ZNF560: variants seen among roughly 807,000 people sequenced by gnomAD.
The protein encoded by ZNF560 is zinc finger protein 560.
In ZNF560, 54 loss-of-function variants were observed where a neutral mutation model predicts 81.8. The observed-to-expected ratio is 0.66, with a 90% CI of 0.53 to 0.83. The LOEUF is 0.83. Ranked by LOEUF, ZNF560 falls within the 40% of genes least tolerant of loss-of-function variation. The pLI, the probability that ZNF560 is intolerant of heterozygous loss-of-function variation, is 0.00. For synonymous variants in ZNF560, 321 were observed against 317.9 expected (o/e 1.01, Z -0.10); for missense variants, 940 against 932.4 (o/e 1.01, Z -0.11).
chr19:9,461,166 C>T, the ZNF560 span, among the ~76,000 whole-genome samples: 3 of 152,196 alleles, frequency 2.0e-5, no homozygotes, highest in African/African-American at 7.2e-5. Context: ...ATCCTAATTA[C>T]ATTTTAGAAC....
intron 2 of ZNF560, among the ~76,000 whole-genome samples, chr19:9,495,347 T>C (rs546349323): frequency 6.6e-6 from 1 of 152,160 alleles, no homozygotes; most frequent in South Asian, 2.1e-4. Flanking sequence ...AAATAGAATA[T>C]ACAACACAAG....
At chr19:9,487,621 G>A (rs1191266819) in intron 2 of ZNF560, among the ~76,000 whole-genome samples, 5 of 152,232 alleles carry the variant, frequency 3.3e-5, no homozygotes, top group Admixed American at 2.0e-4. Context: ...AGGGAGCTAA[G>A]AGAGAAGCCT....
At chr19:9,458,944 TTGTC>T in the ZNF560 span, among the ~76,000 whole-genome samples, 27 of 152,366 alleles carry the variant, frequency 1.8e-4, no homozygotes, top group East Asian at 5.8e-4. Flanking sequence ...TTTTCTCACT[TTGTC>T]TGGGCTACAT....
At chr19:9,495,075 G>A (rs1452866281) in intron 2 of ZNF560, among the ~76,000 whole-genome samples, 1 of 152,118 alleles carries the variant, frequency 6.6e-6, no homozygotes, top group Non-Finnish European at 1.5e-5. Flanking sequence ...TATAGGCAGA[G>A]GTTGGAGCAA....
chr19:9,487,130 G>C (rs892585328), intron 2 of ZNF560, among the ~76,000 whole-genome samples: 1 of 152,158 alleles, frequency 6.6e-6, no homozygotes, highest in Non-Finnish European at 1.5e-5. Flanking sequence ...GGACACAGCA[G>C]CAGGGACAAG....
In ZNF560 at chr19:9,474,576, G is replaced by T. The variant is rs1599657912; in HGVS notation, c.31-251C>A. On this transcript the variant is annotated intron_variant, in intron 3 of 9. Coordinates refer to ENST00000301480, the MANE Select transcript of ZNF560 (RefSeq NM_152476.3). ...GAACTTCTCATCACAAGCAGACTGT[G>T]AGTGCTTTCTCAACTTATTTCCCTC... Among the ~76,000 whole-genome samples the T allele has an allele frequency of 2.0e-5, 3 of 152,236 alleles. No individual in the cohort carries two copies. The South Asian group carries it at 6.2e-4, about 32-fold the overall frequency.
the ZNF560 span, among the ~76,000 whole-genome samples, chr19:9,457,443 A>C: frequency 6.6e-6 from 1 of 152,364 alleles, no homozygotes; most frequent in East Asian, 1.9e-4. Context: ...TGCACAAGGC[A>C]TGTTAAACAG....
At chr19:9,481,050 T>A (rs1202450949) in intron 2 of ZNF560, among the ~76,000 whole-genome samples, 1 of 146,902 alleles carries the variant, frequency 6.8e-6, no homozygotes, top group Non-Finnish European at 1.5e-5. Flanking sequence ...TGCCACTGCA[T>A]TCCACCTGGG....
upstream of ZNF560, among the ~76,000 whole-genome samples, chr19:9,499,809 T>C (rs1001411790): frequency 1.3e-5 from 2 of 152,190 alleles, no homozygotes; most frequent in South Asian, 4.1e-4. Flanking sequence ...TTTTACCTCT[T>C]GGGGTAAAGT....
intron 5 of ZNF560, 144 bp from the exon 6 acceptor site, chr19:9,471,522 G>A (rs1033328666): frequency 2.5e-5 from 14 of 562,114 alleles, no homozygotes; most frequent in African/African-American, 2.4e-4. Context: ...TTTAGACTGT[G>A]TCAAAAAATT....
intron 2 of ZNF560, among the ~76,000 whole-genome samples, chr19:9,484,746 G>A (rs1056100248): frequency 2.0e-5 from 3 of 150,788 alleles, no homozygotes; most frequent in African/African-American, 7.3e-5. Context: ...TCGCACCACT[G>A]CACTCCAGCC....
intron 2 of ZNF560, among the ~76,000 whole-genome samples, chr19:9,495,532 C>T (rs1010303582): frequency 2.6e-5 from 4 of 152,034 alleles, no homozygotes; most frequent in Admixed American, 6.6e-5. Context: ...ATGATGATAC[C>T]GCATCTCTAC....
At chr19:9,483,864 G>A (rs973299244) in intron 2 of ZNF560, among the ~76,000 whole-genome samples, 1 of 151,576 alleles carries the variant, frequency 6.6e-6, no homozygotes, top group Admixed American at 6.6e-5. Flanking sequence ...GGGGAAATGT[G>A]GGGGAAAGAT....
downstream of ZNF560, among the ~76,000 whole-genome samples, chr19:9,462,509 CT>C (rs1465082632): frequency 2.0e-5 from 3 of 152,186 alleles, no homozygotes; most frequent in Admixed American, 6.5e-5. Flanking sequence ...TGTTAGCCCC[CT>C]GATCCCACTT....
At chr19:9,483,453 G>T (rs1359874176) in intron 2 of ZNF560, among the ~76,000 whole-genome samples, 1 of 151,104 alleles carries the variant, frequency 6.6e-6, no homozygotes, top group Non-Finnish European at 1.5e-5. Flanking sequence ...GAAGTGAGGA[G>T]CGTCTCCGCC....
intron 2 of ZNF560, among the ~76,000 whole-genome samples, chr19:9,478,857 A>T (rs189412825): frequency 0.044 from 5,360 of 122,532 alleles, 138 homozygotes; most frequent in Non-Finnish European, 0.063. Flanking sequence ...CAAAGAATAT[A>T]AAAAAAAACC....
chr19:9,497,195 G>A (rs1413193067), intron 2 of ZNF560, among the ~76,000 whole-genome samples: 1 of 151,642 alleles, frequency 6.6e-6, no homozygotes, highest in Non-Finnish European at 1.5e-5. Flanking sequence ...AGAATTTGGA[G>A]AATTTTCATT....
At position 9,467,940 on chromosome 19, in the gene ZNF560, G is replaced by T. The variant is rs1196259130; in HGVS notation, c.1007C>A (p.Ala336Asp). Reference sequence around the variant, plus strand: ...AATAATGTGTGTTTCAACATTTACAGCATGGCTTGTGGAGTGAGTAAATGC... The same window carrying T: ...AATAATGTGTGTTTCAACATTTACATCATGGCTTGTGGAGTGAGTAAATGC... Reference protein sequence around the residue: ...GEAFTHSTSHAVNVETHIIKN... With the variant: ...GEAFTHSTSHDVNVETHIIKN... The change falls in exon 10 of 10, where the codon GCT (alanine) becomes GAT (aspartate). Residue 336 changes from alanine (A) to aspartate (D), a missense_variant. Ala to Asp is a moderately radical substitution (Grantham distance 126). Coordinates refer to ENST00000301480, the MANE Select transcript of ZNF560 (RefSeq NM_152476.3). The T allele has an allele frequency of 2.5e-6, 4 of 1,614,106 alleles. No homozygotes were observed. Among genetic ancestry groups the T allele is most frequent in the Non-Finnish European group, 3.4e-6 (4 of 1,179,998 alleles).
the ZNF560 span, among the ~76,000 whole-genome samples, chr19:9,448,568 A>G: frequency 6.6e-6 from 1 of 151,898 alleles, no homozygotes; most frequent in Non-Finnish European, 1.5e-5. Flanking sequence ...AGACGAAAGA[A>G]TGATACCTGC....
Sources: allele counts gnomAD v4.1 joint callset (sites outside exome capture counted in the v4.1 genomes callset), GRCh38; gene constraint gnomAD v4.1.1; transcripts MANE v1.5; gene names NCBI Gene and HGNC (gene_info 2026-07-23, HGNC 2026-07-21).